TNFSF4: variants seen among roughly 807,000 people sequenced by gnomAD.
TNFSF4 encodes tumor necrosis factor ligand superfamily member 4.
A neutral mutation model predicts 7.3 loss-of-function variants in TNFSF4; 4 were observed. That is an observed-to-expected ratio of 0.55 (90% CI 0.27 to 1.25). The LOEUF (loss-of-function observed/expected upper bound fraction) is 1.25. Among genes scored for constraint, TNFSF4 ranks in the 50% most tolerant of loss-of-function variants. The probability of loss-of-function intolerance (pLI) is 0.12; values close to 1 mark genes in which losing one functional copy is unlikely to be tolerated. For missense variants in TNFSF4, 181 were observed against 208.8 expected (o/e 0.87, Z 0.82); for synonymous variants, 76 against 83.7 (o/e 0.91, Z 0.50).
At chr1:173,437,306 G>A in the TNFSF4 span, among the ~76,000 whole-genome samples, 10 of 152,164 alleles carry the variant, frequency 6.6e-5, no homozygotes. Context: ...CCCAACCTGA[G>A]GGTGGCCAGA....
the TNFSF4 span, among the ~76,000 whole-genome samples, chr1:173,384,984 T>C: frequency 1.3e-5 from 2 of 152,246 alleles, no homozygotes; most frequent in Non-Finnish European, 2.9e-5. Flanking sequence ...TCATAAATGA[T>C]ATAACTCAAA....
At chr1:173,225,904 G>T in the TNFSF4 span, among the ~76,000 whole-genome samples, 1 of 152,026 alleles carries the variant, frequency 6.6e-6, no homozygotes, top group African/African-American at 2.4e-5. Context: ...GGAGAAATAA[G>T]AATTTTTCTA....
At chr1:173,389,159 C>T in the TNFSF4 span, among the ~76,000 whole-genome samples, 6 of 152,194 alleles carry the variant, frequency 3.9e-5, no homozygotes, top group Admixed American at 3.9e-4. Flanking sequence ...TCCAACTCTT[C>T]CTTTTGCTGT....
At chr1:173,372,207 CA>C in the TNFSF4 span, among the ~76,000 whole-genome samples, 1 of 152,192 alleles carries the variant, frequency 6.6e-6, no homozygotes, top group African/African-American at 2.4e-5. Context: ...GGCTTGTCCT[CA>C]CCCTAAGACA....
the TNFSF4 span, among the ~76,000 whole-genome samples, chr1:173,324,920 C>T: frequency 2.0e-5 from 3 of 152,286 alleles, no homozygotes; most frequent in South Asian, 6.2e-4. Context: ...TAATGGGAGA[C>T]TTTAACACCC....
At chr1:173,257,975 G>T in the TNFSF4 span, among the ~76,000 whole-genome samples, 1 of 152,130 alleles carries the variant, frequency 6.6e-6, no homozygotes, top group Non-Finnish European at 1.5e-5. Context: ...CCCATCCTGA[G>T]TCATTCGTTA....
chr1:173,176,961 G>T, the TNFSF4 span, among the ~76,000 whole-genome samples: 1 of 152,060 alleles, frequency 6.6e-6, no homozygotes, highest in African/African-American at 2.4e-5. Context: ...ATAGACACTG[G>T]GGCCTACTTG....
chr1:173,218,539 C>CAGT, the TNFSF4 span, among the ~76,000 whole-genome samples: 1 of 152,000 alleles, frequency 6.6e-6, no homozygotes. Context: ...ACTCTCTCTT[C>CAGT]AGTTACTATG....
chr1:173,414,038 T>C, the TNFSF4 span, among the ~76,000 whole-genome samples: 2 of 152,166 alleles, frequency 1.3e-5, no homozygotes, highest in Non-Finnish European at 2.9e-5. Context: ...AACGTGTGAA[T>C]TGCAGTTAGG....
chr1:173,411,794 C>A, the TNFSF4 span, among the ~76,000 whole-genome samples: 1 of 36,190 alleles, frequency 2.8e-5, no homozygotes, highest in South Asian at 1.3e-3. Context: ...GAGTGAGACT[C>A]TCTCAAAAAA....
chr1:173,213,861 A>C, the TNFSF4 span, among the ~76,000 whole-genome samples: 2 of 152,198 alleles, frequency 1.3e-5, no homozygotes. Flanking sequence ...CTAAGGGTAG[A>C]TTTGCCCCCT....
At chr1:173,175,750 T>C in the TNFSF4 span, among the ~76,000 whole-genome samples, 1 of 152,210 alleles carries the variant, frequency 6.6e-6, no homozygotes, top group Non-Finnish European at 1.5e-5. Flanking sequence ...GCACTTCTTA[T>C]GTAATGGGGA....
chr1:173,424,443 A>T, the TNFSF4 span, among the ~76,000 whole-genome samples: 1 of 152,228 alleles, frequency 6.6e-6, no homozygotes. Flanking sequence ...AGTGCTTATC[A>T]CTTCAAAGTA....
chr1:173,358,930 T>A, the TNFSF4 span, among the ~76,000 whole-genome samples: 8 of 152,206 alleles, frequency 5.3e-5, no homozygotes, highest in Non-Finnish European at 1.2e-4. Context: ...AAATAAGAGA[T>A]CTTTCTAGGC....
the TNFSF4 span, among the ~76,000 whole-genome samples, chr1:173,382,378 C>G: frequency 6.6e-6 from 1 of 152,098 alleles, no homozygotes; most frequent in Non-Finnish European, 1.5e-5. Flanking sequence ...TAACACTCAC[C>G]GTGAGGGTCC....
At chr1:173,399,259 A>G in the TNFSF4 span, among the ~76,000 whole-genome samples, 1 of 152,202 alleles carries the variant, frequency 6.6e-6, no homozygotes. Flanking sequence ...ACCCTCATGC[A>G]AAGTTCTCTA....
the TNFSF4 span, among the ~76,000 whole-genome samples, chr1:173,347,760 C>A: frequency 6.6e-6 from 1 of 152,178 alleles, no homozygotes; most frequent in Non-Finnish European, 1.5e-5. Context: ...AGGTCTAGCC[C>A]ACAAGGCTTC....
At chr1:173,381,334 C>T in the TNFSF4 span, among the ~76,000 whole-genome samples, 2 of 152,168 alleles carry the variant, frequency 1.3e-5, no homozygotes, top group Non-Finnish European at 2.9e-5. Context: ...GTATGAGATG[C>T]CACCCGACAT....
At chr1:173,402,564 C>G in the TNFSF4 span, among the ~76,000 whole-genome samples, 40 of 152,304 alleles carry the variant, frequency 2.6e-4, 1 homozygote, top group African/African-American at 9.1e-4. Flanking sequence ...TCAGATGGAA[C>G]GTATTAAGCC....
Sources: allele counts gnomAD v4.1 joint callset (sites outside exome capture counted in the v4.1 genomes callset), GRCh38; gene constraint gnomAD v4.1.1; transcripts MANE v1.5; gene names NCBI Gene and HGNC (gene_info 2026-07-23, HGNC 2026-07-21).